The following ANK2 variants were observed in gnomAD, a reference collection of about 807,000 sequenced individuals.
ANK2 encodes ankyrin 2, also known as ankyrin-2.
A neutral mutation model predicts 360.5 loss-of-function variants in ANK2; 83 were observed. The observed-to-expected ratio is 0.23, with a 90% CI of 0.19 to 0.28. The LOEUF (loss-of-function observed/expected upper bound fraction) is 0.28. Among genes scored for constraint, ANK2 ranks in the 10% least tolerant of loss-of-function variants. The probability of loss-of-function intolerance (pLI) is 1.00; values close to 1 mark genes in which losing one functional copy is unlikely to be tolerated. For synonymous variants in ANK2, 1,740 were observed against 1,759.5 expected (o/e 0.99, Z 0.28); for missense variants, 4,201 against 4,795.7 (o/e 0.88, Z 3.66).
chr4:112,957,478 A>G (rs960298558), intron 2 of ANK2, among the ~76,000 whole-genome samples: 6 of 152,140 alleles, frequency 3.9e-5, no homozygotes, highest in Non-Finnish European at 7.4e-5. Context: ...CCCCCTTTCT[A>G]TTCCACAAAA....
At chr4:112,932,060 G>C (rs2093291766) in intron 2 of ANK2, among the ~76,000 whole-genome samples, 2 of 152,166 alleles carry the variant, frequency 1.3e-5, no homozygotes, top group African/African-American at 2.4e-5. Flanking sequence ...GGTGTACTAA[G>C]TGCAAGAGAC....
At chr4:112,915,991 G>A (rs1022083031) in intron 2 of ANK2, among the ~76,000 whole-genome samples, 2 of 151,900 alleles carry the variant, frequency 1.3e-5, no homozygotes, top group Non-Finnish European at 2.9e-5. Flanking sequence ...CCATTCCTGC[G>A]TAACTCTTTG....
At chr4:112,768,411 G>A in the ANK2 span, among the ~76,000 whole-genome samples, 5 of 151,758 alleles carry the variant, frequency 3.3e-5, no homozygotes, top group East Asian at 9.7e-4. Context: ...ATGCCACCAT[G>A]CCCAGTTAAT....
At chr4:112,755,649 A>G in the ANK2 span, among the ~76,000 whole-genome samples, 1 of 152,222 alleles carries the variant, frequency 6.6e-6, no homozygotes, top group South Asian at 2.1e-4. Context: ...ACAATGGTGG[A>G]ATGTCATCAG....
chr4:112,972,543 T>C (rs1431200110), intron 2 of ANK2, among the ~76,000 whole-genome samples: 1 of 152,138 alleles, frequency 6.6e-6, no homozygotes, highest in African/African-American at 2.4e-5. Context: ...ACAGGTGTTA[T>C]GTTAAGCTGC....
the ANK2 span, among the ~76,000 whole-genome samples, chr4:112,746,886 C>A: frequency 1.3e-5 from 2 of 152,158 alleles, no homozygotes; most frequent in Non-Finnish European, 2.9e-5. Flanking sequence ...GCAAATACTT[C>A]AAATATATTC....
At chr4:113,013,269 G>T (rs10025489) in intron 2 of ANK2, among the ~76,000 whole-genome samples, 1 of 151,854 alleles carries the variant, frequency 6.6e-6, no homozygotes, top group Non-Finnish European at 1.5e-5. Context: ...GTTTTGATTC[G>T]GTAGTCCCTA....
At chr4:112,729,236 C>T in the ANK2 span, among the ~76,000 whole-genome samples, 6 of 151,316 alleles carry the variant, frequency 4.0e-5, no homozygotes, top group South Asian at 6.3e-4. Context: ...ACCTAGTAAA[C>T]GGTTGGGATG....
At chr4:113,001,555 T>TC (rs11421278) in intron 2 of ANK2, among the ~76,000 whole-genome samples, 121,544 of 151,972 alleles carry the variant, frequency 0.8, 48,575 homozygotes, top group South Asian at 0.87. Flanking sequence ...TCTCCATATT[T>TC]TAATTAAGTG....
the ANK2 span, among the ~76,000 whole-genome samples, chr4:112,708,352 G>A: frequency 3.3e-4 from 50 of 152,138 alleles, no homozygotes; most frequent in Non-Finnish European, 6.2e-4. Context: ...TTCAGAAAAA[G>A]TGTAATTGAG....
At chr4:113,007,102 A>C (rs769313178) in intron 2 of ANK2, among the ~76,000 whole-genome samples, 68 of 152,198 alleles carry the variant, frequency 4.5e-4, no homozygotes, top group Non-Finnish European at 8.2e-4. Context: ...TTTTTTAAAA[A>C]ATCAGTTATT....
chr4:112,971,252 A>T (rs978918892), intron 2 of ANK2, among the ~76,000 whole-genome samples: 2 of 152,212 alleles, frequency 1.3e-5, no homozygotes, highest in African/African-American at 4.8e-5. Flanking sequence ...TTAATGCCCA[A>T]CAGAGCCATA....
chr4:112,795,561 T>A, the ANK2 span, among the ~76,000 whole-genome samples: 1 of 152,182 alleles, frequency 6.6e-6, no homozygotes, highest in Non-Finnish European at 1.5e-5. Flanking sequence ...TGGAGTACAG[T>A]GGTGCGATCT....
chr4:112,800,092 A>G, the ANK2 span, among the ~76,000 whole-genome samples: 9 of 152,318 alleles, frequency 5.9e-5, no homozygotes, highest in East Asian at 1.2e-3. Flanking sequence ...AGTATATGCC[A>G]TGCACGATGT....
At chr4:113,304,262 G>T (rs1439670928) in intron 23 of ANK2, among the ~76,000 whole-genome samples, 1 of 152,136 alleles carries the variant, frequency 6.6e-6, no homozygotes, top group Admixed American at 6.5e-5. Context: ...TGATGGGGAG[G>T]CACTTAGTGA....
chr4:113,330,513 T>C, intron 27 of ANK2, 43 bp downstream of exon 27: 2 of 1,586,984 alleles, frequency 1.3e-6, no homozygotes, highest in Non-Finnish European at 8.6e-7. Context: ...ATCGATGAGC[T>C]TGTGTCCTCT....
At chr4:112,969,495 A>T (rs907221713) in intron 2 of ANK2, among the ~76,000 whole-genome samples, 4 of 152,154 alleles carry the variant, frequency 2.6e-5, no homozygotes, top group Non-Finnish European at 5.9e-5. Flanking sequence ...TGCTTCTACA[A>T]GTTCAGACTC....
chr4:113,220,365 A>T (rs138217660), intron 4 of ANK2, among the ~76,000 whole-genome samples: 1 of 152,330 alleles, frequency 6.6e-6, no homozygotes, highest in East Asian at 1.9e-4. Flanking sequence ...ATATGGGGAA[A>T]CATAGGTACT....
intron 17 of ANK2, 27 bp from the exon 18 acceptor site, chr4:113,282,644 TATGC>T: frequency 6.5e-7 from 1 of 1,538,656 alleles, no homozygotes; most frequent in South Asian, 1.2e-5. Flanking sequence ...TCTTACTCTA[TATGC>T]ATGTGTTTTA....
Sources: allele counts gnomAD v4.1 joint callset (sites outside exome capture counted in the v4.1 genomes callset), GRCh38; gene constraint gnomAD v4.1.1; transcripts MANE v1.5; gene names NCBI Gene and HGNC (gene_info 2026-07-23, HGNC 2026-07-21).